Variants in DPYS observed in about 807,000 individuals in gnomAD.
DPYS encodes dihydropyrimidine amidohydrolase.
In DPYS, 39 loss-of-function variants were observed where a neutral mutation model predicts 50.3. The ratio of observed to expected loss-of-function variants is 0.78; its 90% confidence interval spans 0.60 to 1.01. The LOEUF (loss-of-function observed/expected upper bound fraction) is 1.01. Among genes scored for constraint, DPYS ranks in the 50% least tolerant of loss-of-function variants. The pLI is 0.00. For synonymous variants in DPYS, 245 were observed against 250.7 expected, an observed-to-expected ratio of 0.98 and a Z score of 0.22; for missense variants, 659 against 680.9, an observed-to-expected ratio of 0.97 and a Z score of 0.36.
intron 4 of DPYS, 53 bp downstream of exon 4, chr8:104,444,195 C>T: frequency 6.2e-7 from 1 of 1,604,352 alleles, no homozygotes; most frequent in South Asian, 1.1e-5. Context: ...CAGACGTGGA[C>T]TTTTCTCTTC....
chr8:104,405,646 G>T (rs190162832), intron 7 of DPYS, among the ~76,000 whole-genome samples: 1 of 152,344 alleles, frequency 6.6e-6, no homozygotes, highest in African/African-American at 2.4e-5. Context: ...CAATCTAAAA[G>T]GTGTCTGCTT....
At chr8:104,381,024 C>G in intron 9 of DPYS, 160 bp downstream of exon 9, 1 of 645,176 alleles carries the variant, frequency 1.5e-6, no homozygotes, top group East Asian at 2.9e-5. Context: ...GAAGGCTTAT[C>G]TAAATGTTCT....
chr8:104,438,790 A>G (rs191521591), intron 4 of DPYS, among the ~76,000 whole-genome samples: 38 of 152,262 alleles, frequency 2.5e-4, no homozygotes, highest in African/African-American at 8.9e-4. Flanking sequence ...GCCTGTAGAG[A>G]AGAGATGTCA....
At chr8:104,444,539 G>A in intron 3 of DPYS, 102 bp from the exon 4 acceptor site, 1 of 1,299,258 alleles carries the variant, frequency 7.7e-7, no homozygotes, top group Non-Finnish European at 1.1e-6. Context: ...CTTTTGATCT[G>A]TTAGGTATAG....
intron 8 of DPYS, among the ~76,000 whole-genome samples, chr8:104,383,604 CTTTT>C (rs59669284): frequency 7.1e-6 from 1 of 141,770 alleles, no homozygotes; most frequent in Non-Finnish European, 1.5e-5. Flanking sequence ...CCAGGCTGTA[CTTTT>C]TTTTTTTTTT....
Position 104,466,540 on chromosome 8 carries a change from C to G in DPYS, c.264+117G>C, listed in dbSNP as rs1046755422. On this transcript the variant is annotated intron_variant, in intron 1 of 9. Coordinates refer to ENST00000351513, the MANE Select transcript of DPYS (RefSeq NM_001385.3). ...CCGGGGCTGCGCTCCTTCCCGCCCA[C>G]CCAGCTCCTCGGCGCCGCGCCGCGC... The G allele has an allele frequency of 3.3e-6, 4 of 1,218,214 alleles. No individual in the cohort carries two copies. In the Admixed American group the frequency reaches 1.6e-4, roughly 48 times the overall value. 75.5% of individuals were successfully genotyped at this position (1,218,214 alleles called of 1,614,324 possible). A position where few individuals can be genotyped will look rare whatever the true frequency, so the allele number is the denominator to read the frequency against.
intron 4 of DPYS, among the ~76,000 whole-genome samples, chr8:104,430,019 C>T (rs1812898232): frequency 6.6e-6 from 1 of 152,136 alleles, no homozygotes; most frequent in South Asian, 2.1e-4. Context: ...CAGATAAATG[C>T]TATTGTTATC....
At chr8:104,457,539 T>A (rs1813969195) in intron 1 of DPYS, among the ~76,000 whole-genome samples, 1 of 152,174 alleles carries the variant, frequency 6.6e-6, no homozygotes, top group Non-Finnish European at 1.5e-5. Flanking sequence ...TGCCACCAAA[T>A]TCTTATTTCT....
At chr8:104,440,462 G>C (rs1393720259) in intron 4 of DPYS, among the ~76,000 whole-genome samples, 2 of 152,286 alleles carry the variant, frequency 1.3e-5, no homozygotes, top group East Asian at 3.9e-4. Flanking sequence ...CACTGTGAGA[G>C]TCAAGGCCCT....
intron 7 of DPYS, among the ~76,000 whole-genome samples, chr8:104,408,770 A>C (rs1812078580): frequency 6.6e-6 from 1 of 152,056 alleles, no homozygotes; most frequent in African/African-American, 2.4e-5. Context: ...CTTTAAAATC[A>C]AAGGATTCTA....
chr8:104,444,235 A>AT lies in DPYS; in HGVS notation c.793+12dup. On this transcript the variant is annotated intron_variant, in intron 4 of 9. Coordinates refer to ENST00000351513, the MANE Select transcript of DPYS (RefSeq NM_001385.3). ...AACACTGAGTTCTAAGTGAGGTTAC[A>AT]TTCGAGAATTACCATCTCTCCTTGC... 6.2e-7 allele frequency: 1 copy of AT among 1,614,034 alleles called. No individual in the cohort carries two copies. The highest frequency in any genetic ancestry group is 8.5e-7 in the Non-Finnish European group (1 of 1,179,934).
At chr8:104,428,152 G>C in intron 5 of DPYS, 31 bp from the exon 6 acceptor site, 1 of 1,613,872 alleles carries the variant, frequency 6.2e-7, no homozygotes, top group Admixed American at 1.7e-5. Flanking sequence ...GAGTGATGGG[G>C]TGAGTATACA....
At chr8:104,456,375 C>G (rs1015269157) in intron 1 of DPYS, among the ~76,000 whole-genome samples, 3 of 152,166 alleles carry the variant, frequency 2.0e-5, no homozygotes, top group Admixed American at 6.5e-5. Context: ...GGCCACTCTT[C>G]TAAAACTAAA....
chr8:104,413,020 A>G (rs1812241029), intron 7 of DPYS, among the ~76,000 whole-genome samples: 1 of 152,216 alleles, frequency 6.6e-6, no homozygotes, highest in African/African-American at 2.4e-5. Flanking sequence ...CTATTGAGAA[A>G]ATGTGAGAGC....
intron 7 of DPYS, among the ~76,000 whole-genome samples, chr8:104,419,203 T>C (rs576529415): frequency 6.6e-6 from 1 of 152,358 alleles, no homozygotes; most frequent in South Asian, 2.1e-4. Context: ...GTAAAAAGCA[T>C]GAAATGGGAA....
Position 104,466,693 on chromosome 8 carries a change from G to A in DPYS, c.228C>T (p.Gly76=). The A allele has an allele frequency of 2.0e-6, 3 of 1,529,858 alleles. No homozygotes were observed. The highest frequency in any genetic ancestry group is 2.6e-6 in the Non-Finnish European group (3 of 1,142,214). The allele number at this position is 1,529,858 out of a possible 1,614,324, so 94.8% of individuals were successfully genotyped here. A position where few individuals can be genotyped will look rare whatever the true frequency, so the allele number is the denominator to read the frequency against. The change falls in exon 1 of 10, where the codon GGC becomes GGT. Residue 76 remains glycine, a synonymous_variant. Transcript: ENST00000351513. ...THTHMQFPFM[G]SRSIDDFHQG... The stretch of plus-strand genomic sequence containing the variant: ...GGTGGAAGTCGTCGATGGACCGCGA[G>A]CCCATGAAGGGGAACTGCATGTGCG...
intron 2 of DPYS, 62 bp from the exon 3 acceptor site, chr8:104,447,565 C>T (rs7821992): frequency 6.4e-7 from 1 of 1,568,200 alleles, no homozygotes. Context: ...TAATTTCAAC[C>T]TTCTCTAAAA....
chr8:104,453,982 C>T (rs1185709189), intron 1 of DPYS, among the ~76,000 whole-genome samples: 5 of 152,122 alleles, frequency 3.3e-5, no homozygotes, highest in Admixed American at 6.5e-5. Flanking sequence ...ATGAAATGTC[C>T]AGAAGAGGCA....
At chr8:104,441,036 A>C (rs1216734898) in intron 4 of DPYS, among the ~76,000 whole-genome samples, 1 of 152,162 alleles carries the variant, frequency 6.6e-6, no homozygotes, top group East Asian at 1.9e-4. Context: ...AGCTGGGCAC[A>C]GTTTATGTCC....
Sources: allele counts gnomAD v4.1 joint callset (sites outside exome capture counted in the v4.1 genomes callset), GRCh38; gene constraint gnomAD v4.1.1; transcripts MANE v1.5; gene names NCBI Gene and HGNC (gene_info 2026-07-23, HGNC 2026-07-21).